Variants in ELMO1 observed in about 807,000 individuals in gnomAD.
ELMO1 encodes engulfment and cell motility 1, also known as engulfment and cell motility protein 1.
In ELMO1, 26 loss-of-function variants were observed where a neutral mutation model predicts 98.9. The observed-to-expected ratio is 0.26, with a 90% CI of 0.19 to 0.36. The LOEUF is 0.36. Among genes scored for constraint, ELMO1 ranks in the 10% least tolerant of loss-of-function variants. ELMO1 has a pLI of 1.00. For missense variants in ELMO1, 627 were observed against 935.2 expected, an observed-to-expected ratio of 0.67 and a Z score of 4.30; for synonymous variants, 346 against 346.0, an observed-to-expected ratio of 1.00 and a Z score of 0.00.
chr7:36,967,278 T>C (rs562867016), intron 16 of ELMO1, among the ~76,000 whole-genome samples: 1 of 152,252 alleles, frequency 6.6e-6, no homozygotes, highest in South Asian at 2.1e-4. Flanking sequence ...AAAAACTGAA[T>C]CCCAATCACT....
chr7:37,375,643 C>T (rs1802307384), intron 1 of ELMO1: 2 of 1,199,538 alleles, frequency 1.7e-6, no homozygotes, highest in East Asian at 4.7e-5. Flanking sequence ...CAAGAATGTG[C>T]CCAACCTTCA....
rs760228103 is a variant in ELMO1, at chr7:36,878,042, C to T, written c.1790G>A (p.Gly597Glu). Reference sequence around the variant, plus strand: ...CTGCAAGGAATCGTGGGGCACTTCTCCCTGAGGACTCTCTTCTAAGTCTCC... The same window carrying T: ...CTGCAAGGAATCGTGGGGCACTTCTTCCTGAGGACTCTCTTCTAAGTCTCC... ...HYGDLEESPQ[G>E]EVPHDSLQDK... is the part of the protein sequence containing the mutation. The change falls in exon 19 of 22, where the codon GGA (glycine) becomes GAA (glutamate). Residue 597 changes from glycine (G) to glutamate (E), a missense_variant. Gly to Glu is a moderately conservative substitution (Grantham distance 98, BLOSUM62 -2). Around this residue, in one of 3 missense-constraint regions of ELMO1, gnomAD observed 492 missense variants for 715.6 expected, o/e 0.69. Transcript: ENST00000310758. 6.2e-6 allele frequency: 10 copies of T among 1,614,060 alleles called. No individual in the cohort carries two copies. Among genetic ancestry groups the T allele is most frequent in the Non-Finnish European group, 8.5e-6 (10 of 1,179,940 alleles).
At chr7:37,196,976 A>G (rs10224438) in intron 13 of ELMO1, 43,259 of 152,100 alleles carry the variant, frequency 0.28, 6,922 homozygotes, top group African/African-American at 0.43. Context: ...TAAGACCAGT[A>G]GAAACCCTAG....
intron 2 of ELMO1, among the ~76,000 whole-genome samples, chr7:37,320,532 A>C (rs1799428763): frequency 6.6e-6 from 1 of 152,186 alleles, no homozygotes; most frequent in South Asian, 2.1e-4. Flanking sequence ...TTTAATATCC[A>C]TGTCAAAGCC....
chr7:37,104,343 T>C (rs1784826027), intron 14 of ELMO1, among the ~76,000 whole-genome samples: 1 of 150,496 alleles, frequency 6.6e-6, no homozygotes, highest in African/African-American at 2.4e-5. Context: ...CTAACTTTAA[T>C]GTGTGTCAGA....
intron 15 of ELMO1, among the ~76,000 whole-genome samples, chr7:37,072,949 T>C (rs1227269335): frequency 6.6e-6 from 1 of 152,248 alleles, no homozygotes; most frequent in African/African-American, 2.4e-5. Flanking sequence ...ATTGTTGCTA[T>C]AATTTTATCA....
chr7:37,317,030 C>T (rs1799210237), intron 2 of ELMO1, among the ~76,000 whole-genome samples: 1 of 152,048 alleles, frequency 6.6e-6, no homozygotes, highest in South Asian at 2.1e-4. Context: ...GTTCTACCTA[C>T]CCCTCAGGCT....
chr7:36,919,299 G>A, intron 16 of ELMO1: 1 of 501,250 alleles, frequency 2.0e-6, no homozygotes, highest in South Asian at 1.4e-5. Context: ...ATAGCATCGT[G>A]TGAGTCTCAG....
chr7:37,263,261 A>C (rs1206684515), intron 5 of ELMO1, among the ~76,000 whole-genome samples: 1 of 150,150 alleles, frequency 6.7e-6, no homozygotes, highest in Non-Finnish European at 1.5e-5. Flanking sequence ...ATAATTTTAT[A>C]TATTTTATAT....
chr7:37,381,798 T>C (rs77230927), intron 1 of ELMO1, among the ~76,000 whole-genome samples: 11,982 of 152,236 alleles, frequency 0.079, 611 homozygotes, highest in Middle Eastern at 0.12. Context: ...AAATCCTTTC[T>C]ATGGTGAATT....
intron 4 of ELMO1, among the ~76,000 whole-genome samples, chr7:37,294,557 A>G (rs1797934269): frequency 6.6e-6 from 1 of 152,238 alleles, no homozygotes; most frequent in Non-Finnish European, 1.5e-5. Context: ...AGCTTTCTAC[A>G]TTCTATTCTA....
chr7:37,166,362 T>C (rs1051776109), intron 13 of ELMO1, among the ~76,000 whole-genome samples: 28 of 152,332 alleles, frequency 1.8e-4, no homozygotes, highest in Non-Finnish European at 3.7e-4. Context: ...ATTTTAGTTA[T>C]TTCTTGCCTT....
intron 14 of ELMO1, among the ~76,000 whole-genome samples, chr7:37,117,571 C>T (rs1785688459): frequency 6.6e-6 from 1 of 152,192 alleles, no homozygotes; most frequent in Non-Finnish European, 1.5e-5. Context: ...CCTTCCAGCT[C>T]AATTAGTAAA....
intron 6 of ELMO1, among the ~76,000 whole-genome samples, chr7:37,244,723 G>T (rs879435213): frequency 1.3e-5 from 2 of 152,142 alleles, no homozygotes; most frequent in Admixed American, 1.3e-4. Context: ...GATAGGAATT[G>T]ATACATTTTA....
At chr7:37,160,040 G>T (rs1789096305) in intron 13 of ELMO1, among the ~76,000 whole-genome samples, 1 of 152,116 alleles carries the variant, frequency 6.6e-6, no homozygotes, top group Non-Finnish European at 1.5e-5. Flanking sequence ...AACTCAAGTA[G>T]GTTTGATAAT....
chr7:37,030,467 C>A lies in ELMO1; in HGVS notation c.1301-17032G>T, dbSNP rs60336389. ...CTATTCTACAACACATAGCAGTGAC[C>A]CAGGATATCTTATATGGTTAATATA... On this transcript the variant is annotated intron_variant, in intron 15 of 21. Coordinates refer to ENST00000310758, the MANE Select transcript of ELMO1 (RefSeq NM_014800.11). Among the ~76,000 whole-genome samples the A allele has an allele frequency of 7.1e-3, 1,082 of 152,090 alleles. 12 individuals carry two copies. Among genetic ancestry groups the A allele is most frequent in the African/African-American group, 0.025 (1,028 of 41,450 alleles).
intron 13 of ELMO1, among the ~76,000 whole-genome samples, chr7:37,192,785 G>A (rs1480079139): frequency 9.4e-6 from 1 of 106,362 alleles, no homozygotes; most frequent in Non-Finnish European, 1.8e-5. Context: ...GTGACAAAAC[G>A]AGACTCTGTC....
rs1805771919 is a variant in ELMO1, at chr7:37,448,716, G to C, written c.-115C>G. 6.6e-6 allele frequency: 1 copy of C among 152,320 alleles called. No homozygotes were observed. 9.4% of individuals were successfully genotyped at this position (152,320 alleles called of 1,614,324 possible). Reference sequence around the variant, plus strand: ...GACAGCAGCGGCAAGGGTTCCCGGCGATCAGAGCTCCGGCGACCCGCCACC... The same window carrying C: ...GACAGCAGCGGCAAGGGTTCCCGGCCATCAGAGCTCCGGCGACCCGCCACC... On this transcript the variant is annotated 5_prime_UTR_variant, in exon 1 of 22. In the 5' UTR this introduces an upstream ATG that the reference lacks. Coordinates refer to ENST00000310758, the MANE Select transcript of ELMO1 (RefSeq NM_014800.11).
At chr7:36,987,410 G>A (rs906322878) in intron 16 of ELMO1, among the ~76,000 whole-genome samples, 14 of 152,194 alleles carry the variant, frequency 9.2e-5, no homozygotes, top group Admixed American at 6.5e-5. Flanking sequence ...GTTCCACAGA[G>A]ATTGATGGAA....
Sources: gnomAD v4.1 joint callset for allele counts (sites outside exome capture counted in the v4.1 genomes callset) on GRCh38, gnomAD v4.1.1 for gene constraint, gnomAD v4.1.1 regional missense constraint, MANE v1.5 for transcripts, NCBI Gene and HGNC (gene_info 2026-07-23, HGNC 2026-07-21) for gene names.